FAM114A2: variants seen among roughly 807,000 people sequenced by gnomAD.
The protein encoded by FAM114A2 is family with sequence similarity 114 member A2.
A neutral mutation model predicts 58.4 loss-of-function variants in FAM114A2; 53 were observed. The ratio of observed to expected loss-of-function variants is 0.91; its 90% confidence interval spans 0.73 to 1.14. FAM114A2 has a LOEUF of 1.14. Among genes scored for constraint, FAM114A2 ranks in the 50% most tolerant of loss-of-function variants. The pLI is 0.00. For synonymous variants in FAM114A2, 228 were observed against 211.4 expected, an observed-to-expected ratio of 1.08 and a Z score of -0.68; for missense variants, 601 against 581.1, an observed-to-expected ratio of 1.03 and a Z score of -0.35.
chr5:154,000,228 G>C (rs1340644602), intron 11 of FAM114A2, among the ~76,000 whole-genome samples: 1 of 152,166 alleles, frequency 6.6e-6, no homozygotes, highest in Non-Finnish European at 1.5e-5. Context: ...GGGATGAAGA[G>C]AAGTTGGTTA....
At chr5:154,007,303 C>T (rs1481774645) in intron 9 of FAM114A2, among the ~76,000 whole-genome samples, 2 of 152,160 alleles carry the variant, frequency 1.3e-5, no homozygotes, top group African/African-American at 4.8e-5. Flanking sequence ...TTGAACTTGG[C>T]TTCTCCAAAA....
rs1771915343 is a variant in FAM114A2, at chr5:154,028,063, A to G, written c.630+86T>C. 46 of 1,206,912 alleles carry G rather than the reference A, an allele frequency of 3.8e-5. 1 individual carries two copies. The South Asian group carries it at 7.3e-4, about 19-fold the overall frequency. The allele number at this position is 1,206,912 out of a possible 1,614,324, so 74.8% of individuals were successfully genotyped here. A position where few individuals can be genotyped will look rare whatever the true frequency, so the allele number is the denominator to read the frequency against. ...ACATTATTGAAAATGCTTGAAAAGA[A>G]AACACTAACAAGGTTCCAAGTAAAC... is the stretch of plus-strand genomic sequence containing the variant. On this transcript the variant is annotated intron_variant, in intron 6 of 13. Transcript: ENST00000351797.
At chr5:153,998,253 C>T (rs1769717872) in intron 11 of FAM114A2, among the ~76,000 whole-genome samples, 1 of 152,166 alleles carries the variant, frequency 6.6e-6, no homozygotes, top group Non-Finnish European at 1.5e-5. Context: ...TTAATATTAG[C>T]CATCTCGGTT....
In FAM114A2 at chr5:154,004,184, A is replaced by G. The variant is rs559302151; in HGVS notation, c.994-1215T>C. ...ATCATTAAGCAATGCATGATTGTAT[A>G]TATCACAATTTATCCATTCTCCTGA... On this transcript the variant is annotated intron_variant, in intron 9 of 13. Coordinates refer to ENST00000351797, the MANE Select transcript of FAM114A2 (RefSeq NM_018691.4). Among the ~76,000 whole-genome samples the G allele has an allele frequency of 2.0e-3, 310 of 152,326 alleles. 1 individual carries two copies. The highest frequency in any genetic ancestry group is 7.2e-3 in the African/African-American group (301 of 41,582).
intron 8 of FAM114A2, 118 bp from the exon 9 acceptor site, chr5:154,011,438 T>C: frequency 6.1e-6 from 4 of 655,310 alleles, no homozygotes; most frequent in South Asian, 6.0e-5. Flanking sequence ...GTAATAACAA[T>C]AGTAGCAGCA....
At chr5:154,016,158 A>T (rs143779200) in intron 8 of FAM114A2, among the ~76,000 whole-genome samples, 9 of 152,348 alleles carry the variant, frequency 5.9e-5, no homozygotes, top group Non-Finnish European at 1.2e-4. Flanking sequence ...AGCATTTCTG[A>T]AGAAGAGAAA....
At chr5:153,997,713 T>C (rs1194660204) in intron 12 of FAM114A2, 90 bp downstream of exon 12, 9 of 784,120 alleles carry the variant, frequency 1.1e-5, no homozygotes, top group Non-Finnish European at 1.8e-5. Flanking sequence ...AACTATTGAA[T>C]TGTACACTTA....
intron 12 of FAM114A2, 43 bp from the exon 13 acceptor site, chr5:153,995,015 A>AT (rs1561537564): frequency 1.5e-6 from 2 of 1,310,360 alleles, no homozygotes; most frequent in Non-Finnish European, 2.2e-6. Context: ...AGTAGGTTAA[A>AT]TAACAGTAAG....
At chr5:154,006,330 T>C (rs1213717362) in intron 9 of FAM114A2, among the ~76,000 whole-genome samples, 1 of 152,022 alleles carries the variant, frequency 6.6e-6, no homozygotes, top group Non-Finnish European at 1.5e-5. Flanking sequence ...AAAACATACA[T>C]AAAGAAAATA....
intron 12 of FAM114A2, among the ~76,000 whole-genome samples, chr5:153,995,758 A>G (rs947192706): frequency 6.6e-6 from 1 of 152,192 alleles, no homozygotes; most frequent in Non-Finnish European, 1.5e-5. Flanking sequence ...TTTCTCAATC[A>G]TCTTCCATAG....
chr5:154,028,178 G>GA lies in FAM114A2; in HGVS notation c.600dup (p.Leu201SerfsTer26), dbSNP rs1405111362. 1 of 1,612,822 alleles carries GA rather than the reference G, an allele frequency of 6.2e-7. No homozygotes were observed. Among genetic ancestry groups the GA allele is most frequent in the Admixed American group, 1.7e-5 (1 of 59,946 alleles). On this transcript the variant is annotated frameshift_variant, in exon 6 of 14. Coordinates refer to ENST00000351797, the MANE Select transcript of FAM114A2 (RefSeq NM_018691.4). LOFTEE classifies it high-confidence loss of function. Reference sequence around the variant, plus strand: ...GATAGTGTAGCATTTCGGTTCATCAGACCCTTGGTTCTTTTAAATCCAGGA... The same window carrying GA: ...GATAGTGTAGCATTTCGGTTCATCAGAACCCTTGGTTCTTTTAAATCCAGGA...
At chr5:154,027,362 T>C (rs376998543) in intron 6 of FAM114A2, 28 bp from the exon 7 acceptor site, 69 of 1,590,136 alleles carry the variant, frequency 4.3e-5, no homozygotes, top group African/African-American at 2.0e-4. Context: ...CATTACACTG[T>C]AGCAAACAAT....
At chr5:154,029,622 C>G (rs758738219) in intron 4 of FAM114A2, 42 bp from the exon 5 acceptor site, 1 of 1,133,928 alleles carries the variant, frequency 8.8e-7, no homozygotes, top group Non-Finnish European at 1.3e-6. Flanking sequence ...GGGAAGGTCC[C>G]TTAACTCTCA....
At chr5:154,015,964 A>G (rs768716556) in intron 8 of FAM114A2, among the ~76,000 whole-genome samples, 15 of 152,170 alleles carry the variant, frequency 9.9e-5, no homozygotes, top group Non-Finnish European at 1.8e-4. Flanking sequence ...ACGCACTTAC[A>G]GAAATGCAAA....
chr5:154,004,547 C>T (rs2113257266), intron 9 of FAM114A2, among the ~76,000 whole-genome samples: 1 of 142,300 alleles, frequency 7.0e-6, no homozygotes, highest in East Asian at 2.2e-4. Flanking sequence ...AAACTTTGAA[C>T]TCATTGTCTT....
chr5:154,026,570 A>C (rs769057522), intron 7 of FAM114A2, 48 bp from the exon 8 acceptor site: 4 of 1,318,702 alleles, frequency 3.0e-6, no homozygotes, highest in Non-Finnish European at 4.0e-6. Flanking sequence ...AAAGAAAAGA[A>C]AAACATTCAC....
intron 12 of FAM114A2, 130 bp downstream of exon 12, chr5:153,997,673 C>T (rs376640341): frequency 1.3e-4 from 81 of 623,604 alleles, no homozygotes; most frequent in East Asian, 9.6e-4. Context: ...GAAATGGCCG[C>T]GCAACTCTGT....
chr5:154,030,317 A>T (rs1772095298), intron 4 of FAM114A2, among the ~76,000 whole-genome samples: 1 of 152,230 alleles, frequency 6.6e-6, no homozygotes. Context: ...TTCACATAGG[A>T]GAACAACCAT....
At chr5:154,007,675 G>GAA (rs1770443374) in intron 9 of FAM114A2, among the ~76,000 whole-genome samples, 1 of 152,154 alleles carries the variant, frequency 6.6e-6, no homozygotes, top group African/African-American at 2.4e-5. Context: ...TCTTTTTCAT[G>GAA]ATTATTTCCC....
Sources: allele counts gnomAD v4.1 joint callset (sites outside exome capture counted in the v4.1 genomes callset), GRCh38; gene constraint gnomAD v4.1.1; transcripts MANE v1.5; gene names NCBI Gene and HGNC (gene_info 2026-07-23, HGNC 2026-07-21).